RPS6KA2: variants seen among roughly 807,000 people sequenced by gnomAD.
The protein encoded by RPS6KA2 is ribosomal protein S6 kinase alpha-2.
Under a neutral mutation model 91.8 loss-of-function variants are expected in RPS6KA2, and 42 were observed. The observed-to-expected ratio is 0.46, with a 90% CI of 0.36 to 0.59. The LOEUF (loss-of-function observed/expected upper bound fraction) is 0.59, where lower values mean the gene tolerates loss of function less well. Among genes scored for constraint, RPS6KA2 ranks in the 20% least tolerant of loss-of-function variants. The pLI, the probability that RPS6KA2 is intolerant of heterozygous loss-of-function variation, is 0.00. For missense variants in RPS6KA2, 798 were observed against 978.5 expected, an observed-to-expected ratio of 0.82 and a Z score of 2.46; for synonymous variants, 414 against 393.6, an observed-to-expected ratio of 1.05 and a Z score of -0.61.
At chr6:166,744,774 C>CGGTGGGG (rs1790938248) in intron 2 of RPS6KA2, among the ~76,000 whole-genome samples, 2 of 152,128 alleles carry the variant, frequency 1.3e-5, no homozygotes, top group Non-Finnish European at 2.9e-5. Context: ...TCCCTGGCGG[C>CGGTGGGG]GGTGGGGTCG....
chr6:166,506,874 G>A (rs1666158048), intron 5 of RPS6KA2, among the ~76,000 whole-genome samples: 1 of 152,126 alleles, frequency 6.6e-6, no homozygotes, highest in African/African-American at 2.4e-5. Context: ...AAGCAGGATC[G>A]TCAGAACGGA....
chr6:166,702,555 C>T (rs988326611), intron 2 of RPS6KA2: 3 of 1,444,386 alleles, frequency 2.1e-6, no homozygotes, highest in African/African-American at 2.8e-5. Context: ...TATCCAGCAC[C>T]TCCCACTGTA....
intron 2 of RPS6KA2, among the ~76,000 whole-genome samples, chr6:166,718,537 C>T (rs762185362): frequency 2.6e-5 from 4 of 152,184 alleles, no homozygotes; most frequent in Non-Finnish European, 5.9e-5. Context: ...ACTTTTTTAT[C>T]ATACAATAAA....
upstream of RPS6KA2, chr6:166,627,321 C>T (rs1265435503): frequency 5.3e-6 from 4 of 750,304 alleles, no homozygotes; most frequent in Admixed American, 1.2e-4. Flanking sequence ...GCCCGCCGCT[C>T]CGCGCCCCGG....
chr6:166,650,361 G>A (rs989288561), intron 2 of RPS6KA2, among the ~76,000 whole-genome samples: 14 of 151,888 alleles, frequency 9.2e-5, no homozygotes, highest in African/African-American at 3.4e-4. Flanking sequence ...AAGAAGAGGG[G>A]GCATTCTCCA....
chr6:166,607,946 G>A lies in RPS6KA2; in HGVS notation c.99+18975C>T, dbSNP rs575821076. ...GATCACTTAAGCCCAGGAGGTGGAA[G>A]CAGCAGTGAGCCATGATCGTGCCCC... On this transcript the variant is annotated intron_variant, in intron 1 of 20. Transcript: ENST00000265678. Among the ~76,000 whole-genome samples the A allele has an allele frequency of 3.3e-5, 5 of 151,948 alleles. No individual in the cohort carries two copies. The South Asian group carries it at 8.3e-4, about 25-fold the overall frequency.
intron 2 of RPS6KA2, among the ~76,000 whole-genome samples, chr6:166,724,272 A>G (rs985663442): frequency 6.6e-6 from 1 of 151,718 alleles, no homozygotes; most frequent in African/African-American, 2.4e-5. Flanking sequence ...TTCTTCTTGT[A>G]TTTTCTGCAG....
At position 166,648,925 on chromosome 6, in the gene RPS6KA2, G is replaced by A. The variant is rs1309925960; in HGVS notation, c.124-110141C>T. 6.6e-6 allele frequency among the ~76,000 whole-genome samples: 1 copy of A among 152,108 alleles called. No homozygotes were observed. The highest frequency in any genetic ancestry group is 1.9e-4 in the East Asian group (1 of 5,200). On this transcript the variant is annotated intron_variant, in intron 2 of 21. Coordinates refer to the RPS6KA2 transcript ENST00000503859. The surrounding 1 kb of genome is among the most constrained non-coding windows in gnomAD (Gnocchi z 4.8). ...CTTGCAGCGTCTCACCAATTCACCT[G>A]TCTCTCTAAGGCCACTGGCACCTCA...
At chr6:166,520,706 C>G (rs1782827112) in intron 3 of RPS6KA2, among the ~76,000 whole-genome samples, 3 of 152,328 alleles carry the variant, frequency 2.0e-5, no homozygotes, top group Non-Finnish European at 1.5e-5. Context: ...ATGAACAGAC[C>G]TTTCAATGTG....
At chr6:166,449,353 G>A (rs1184101287) in intron 13 of RPS6KA2, among the ~76,000 whole-genome samples, 13 of 150,544 alleles carry the variant, frequency 8.6e-5, no homozygotes, top group Admixed American at 6.7e-4. Context: ...TCATGACAAC[G>A]TCTACTTTAC....
chr6:166,513,523 G>A (rs1782540590), intron 3 of RPS6KA2, among the ~76,000 whole-genome samples: 1 of 152,204 alleles, frequency 6.6e-6, no homozygotes, highest in Non-Finnish European at 1.5e-5. Context: ...AAAAAGTATT[G>A]CTTAAAGTTA....
chr6:166,849,970 G>A lies in RPS6KA2; in HGVS notation c.123+8230C>T, dbSNP rs906494697. Among the ~76,000 whole-genome samples, 1 of 152,130 alleles carries A rather than the reference G, an allele frequency of 6.6e-6. No individual in the cohort carries two copies. The highest frequency in any genetic ancestry group is 6.6e-5 in the Admixed American group (1 of 15,260). ...GTGAGACTCCGGGTTCAGGAACGAG[G>A]GGCACTCACGCATGGCTCTGCTATG... On this transcript the variant is annotated intron_variant, in intron 2 of 21. Coordinates refer to the RPS6KA2 transcript ENST00000503859. The surrounding 1 kb of genome is among the most constrained non-coding windows in gnomAD (Gnocchi z 4.9).
chr6:166,697,543 G>C (rs1488329964), intron 2 of RPS6KA2, among the ~76,000 whole-genome samples: 1 of 152,184 alleles, frequency 6.6e-6, no homozygotes, highest in Non-Finnish European at 1.5e-5. Context: ...TATCCAATTT[G>C]AAACTGACCC....
chr6:166,479,671 C>T (rs1391085070), intron 10 of RPS6KA2, among the ~76,000 whole-genome samples: 1 of 152,206 alleles, frequency 6.6e-6, no homozygotes, highest in African/African-American at 2.4e-5. Flanking sequence ...ACTGGGTTTT[C>T]AATCATAAAA....
At chr6:166,768,565 C>T (rs1381291013) in intron 2 of RPS6KA2, among the ~76,000 whole-genome samples, 1 of 152,060 alleles carries the variant, frequency 6.6e-6, no homozygotes, top group Non-Finnish European at 1.5e-5. Flanking sequence ...ATCTGTTGAA[C>T]ATCAACTTTT....
chr6:166,701,176 A>G, intron 2 of RPS6KA2: 1 of 1,612,086 alleles, frequency 6.2e-7, no homozygotes, highest in Non-Finnish European at 8.5e-7. Context: ...AATTTCCTGA[A>G]TTTTTCTCTG....
chr6:166,576,245 A>C (rs1207415973), intron 1 of RPS6KA2, among the ~76,000 whole-genome samples: 1 of 152,224 alleles, frequency 6.6e-6, no homozygotes, highest in African/African-American at 2.4e-5. Context: ...GCAGCATGAA[A>C]ATGGACTAAT....
chr6:166,751,562 G>C (rs73788120), intron 2 of RPS6KA2, among the ~76,000 whole-genome samples: 2,062 of 152,352 alleles, frequency 0.014, 37 homozygotes, highest in African/African-American at 0.047. Flanking sequence ...TGGCTTCTCT[G>C]CTGGCCTAGG....
intron 1 of RPS6KA2, among the ~76,000 whole-genome samples, chr6:166,587,634 A>AG (rs869036338): frequency 2.7e-5 from 1 of 37,048 alleles, no homozygotes; most frequent in Non-Finnish European, 4.5e-5. Flanking sequence ...CTGCCATTGG[A>AG]AAAAAAAAAG....
Sources: allele counts gnomAD v4.1 joint callset (sites outside exome capture counted in the v4.1 genomes callset), GRCh38; gene constraint gnomAD v4.1.1; non-coding constraint Gnocchi (gnomAD v3.1); transcripts MANE v1.5; gene names NCBI Gene and HGNC (gene_info 2026-07-23, HGNC 2026-07-21).